Variants in EFNA5 observed in about 807,000 individuals in gnomAD.
EFNA5 encodes the protein ephrin A5, also known as ephrin-A5.
A neutral mutation model predicts 22.9 loss-of-function variants in EFNA5; 5 were observed. The observed-to-expected ratio is 0.22, with a 90% confidence interval of 0.11 to 0.46. The LOEUF (loss-of-function observed/expected upper bound fraction) is 0.46, where lower values mean the gene tolerates loss of function less well. EFNA5 is among the 20% of genes least tolerant of loss of function. EFNA5 has a pLI of 0.99. For missense variants in EFNA5, 237 were observed against 293.3 expected (o/e 0.81, Z 1.40); for synonymous variants, 113 against 112.2 (o/e 1.01, Z -0.04).
At chr5:107,665,511 C>T (rs1751047682) in intron 1 of EFNA5, among the ~76,000 whole-genome samples, 1 of 152,160 alleles carries the variant, frequency 6.6e-6, no homozygotes, top group African/African-American at 2.4e-5. Flanking sequence ...GTTATTACCA[C>T]TAAAATCACC....
intron 1 of EFNA5, among the ~76,000 whole-genome samples, chr5:107,441,063 C>T (rs1453172177): frequency 6.6e-6 from 1 of 150,786 alleles, no homozygotes; most frequent in African/African-American, 2.4e-5. Context: ...CCTTTCAACC[C>T]TCTCTCTGAG....
chr5:107,621,933 T>A (rs1450851586), intron 1 of EFNA5, among the ~76,000 whole-genome samples: 4 of 152,060 alleles, frequency 2.6e-5, no homozygotes, highest in African/African-American at 4.8e-5. Context: ...AAACAGGAGA[T>A]AATATTGTCC....
chr5:107,543,098 C>A (rs2112461735), intron 1 of EFNA5, among the ~76,000 whole-genome samples: 1 of 152,334 alleles, frequency 6.6e-6, no homozygotes, highest in Non-Finnish European at 1.5e-5. Context: ...ATGGAAGAGG[C>A]CAGCAGGGAA....
chr5:107,605,580 G>A (rs1382572023), intron 1 of EFNA5, among the ~76,000 whole-genome samples: 11 of 112,724 alleles, frequency 9.8e-5, no homozygotes, highest in Non-Finnish European at 1.4e-4. Flanking sequence ...CCGCCACCCC[G>A]ACAATTTCAC....
chr5:107,664,002 TA>T (rs1488951490), intron 1 of EFNA5, among the ~76,000 whole-genome samples: 4 of 152,158 alleles, frequency 2.6e-5, no homozygotes, highest in Admixed American at 6.5e-5. Context: ...ATCACTGTGG[TA>T]CACTACTGTC....
At chr5:107,633,571 A>AGG (rs1750306542) in intron 1 of EFNA5, among the ~76,000 whole-genome samples, 1 of 152,238 alleles carries the variant, frequency 6.6e-6, no homozygotes, top group Admixed American at 6.5e-5. Flanking sequence ...CTAGAATAAC[A>AGG]GGGGCTGGCC....
chr5:107,410,961 G>A (rs530133289), intron 2 of EFNA5, among the ~76,000 whole-genome samples: 31 of 152,202 alleles, frequency 2.0e-4, no homozygotes, highest in Non-Finnish European at 3.4e-4. Flanking sequence ...TCGTGGAGTC[G>A]TTGATTTTTC....
chr5:107,535,364 T>C (rs145056449), intron 1 of EFNA5, among the ~76,000 whole-genome samples: 22 of 152,302 alleles, frequency 1.4e-4, no homozygotes, highest in Non-Finnish European at 2.6e-4. Flanking sequence ...TGATAAATAA[T>C]ACTGAAGAAC....
chr5:107,505,513 C>CT (rs956625540), intron 1 of EFNA5, among the ~76,000 whole-genome samples: 18 of 152,124 alleles, frequency 1.2e-4, no homozygotes, highest in African/African-American at 4.3e-4. Flanking sequence ...AAAATTTCCC[C>CT]TAGTGAGCCA....
At chr5:107,561,517 T>A (rs542268575) in intron 1 of EFNA5, among the ~76,000 whole-genome samples, 13 of 152,056 alleles carry the variant, frequency 8.5e-5, no homozygotes, top group Admixed American at 2.0e-4. Flanking sequence ...TACAGGAGTG[T>A]GCCACCATGC....
rs190249260 is a variant in EFNA5 at position 107,461,551 on chromosome 5, T to C, written c.126-34042A>G. On this transcript the variant is annotated intron_variant, in intron 1 of 4. Coordinates refer to ENST00000333274, the MANE Select transcript of EFNA5 (RefSeq NM_001962.3). ...GCAAGAGAGGACGGGGGAGAAAGAC[T>C]GTGATCTAAGCAAGAGAGAAAAGGG... 1.4e-3 allele frequency among the ~76,000 whole-genome samples: 212 copies of C among 152,184 alleles called. 2 individuals are homozygous for C. The highest frequency in any genetic ancestry group is 4.9e-3 in the African/African-American group (205 of 41,538).
intron 1 of EFNA5, among the ~76,000 whole-genome samples, chr5:107,468,476 G>A (rs563977128): frequency 6.6e-5 from 10 of 152,306 alleles, no homozygotes; most frequent in African/African-American, 2.4e-4. Flanking sequence ...ATCAAGCTCT[G>A]CTAGCAGCAA....
chr5:107,396,312 T>C (rs1035497233), intron 2 of EFNA5, among the ~76,000 whole-genome samples: 2 of 152,232 alleles, frequency 1.3e-5, no homozygotes, highest in Admixed American at 1.3e-4. Flanking sequence ...TGCCTACGCC[T>C]CAGTTTTCTC....
intron 1 of EFNA5, among the ~76,000 whole-genome samples, chr5:107,643,587 T>C (rs1178384732): frequency 1.3e-5 from 2 of 151,852 alleles, no homozygotes; most frequent in Non-Finnish European, 2.9e-5. Flanking sequence ...GTTTCAAGCA[T>C]CAGGGCTTAT....
chr5:107,531,462 C>G (rs1398808981), intron 1 of EFNA5, among the ~76,000 whole-genome samples: 1 of 152,170 alleles, frequency 6.6e-6, no homozygotes, highest in African/African-American at 2.4e-5. Flanking sequence ...GACATTTAGG[C>G]TGGAAGAGAC....
At chr5:107,581,348 T>C (rs900468625) in intron 1 of EFNA5, among the ~76,000 whole-genome samples, 2 of 152,218 alleles carry the variant, frequency 1.3e-5, no homozygotes, top group African/African-American at 4.8e-5. Context: ...TGAGAGATTA[T>C]TCATTATCAT....
intron 1 of EFNA5, among the ~76,000 whole-genome samples, chr5:107,562,373 A>T (rs1748567669): frequency 6.6e-6 from 1 of 151,772 alleles, no homozygotes; most frequent in African/African-American, 2.4e-5. Flanking sequence ...TCTCTCTCTC[A>T]CATACAAGCA....
chr5:107,650,095 T>C (rs1436963699), intron 1 of EFNA5, among the ~76,000 whole-genome samples: 1 of 152,114 alleles, frequency 6.6e-6, no homozygotes, highest in African/African-American at 2.4e-5. Flanking sequence ...ATAACATATA[T>C]AAACTATAGT....
chr5:107,558,157 A>G (rs528322319), intron 1 of EFNA5, among the ~76,000 whole-genome samples: 2 of 152,328 alleles, frequency 1.3e-5, no homozygotes, highest in Admixed American at 1.3e-4. Context: ...CAAAGAGATT[A>G]CAAGACTTGC....
Sources: allele counts gnomAD v4.1 joint callset (sites outside exome capture counted in the v4.1 genomes callset), GRCh38; gene constraint gnomAD v4.1.1; transcripts MANE v1.5; gene names NCBI Gene and HGNC (gene_info 2026-07-23, HGNC 2026-07-21).